ACADL: variants seen among roughly 807,000 people sequenced by gnomAD.
ACADL encodes long-chain specific acyl-CoA dehydrogenase, mitochondrial.
A neutral mutation model predicts 56.9 loss-of-function variants in ACADL; 60 were observed. That is an observed-to-expected ratio of 1.05 (90% CI 0.86 to 1.31). The LOEUF (loss-of-function observed/expected upper bound fraction) is 1.31, where lower values mean the gene tolerates loss of function less well. Among genes scored for constraint, ACADL ranks in the 50% most tolerant of loss-of-function variants. ACADL has a pLI of 0.00. For missense variants in ACADL, 484 were observed against 525.5 expected (o/e 0.92, Z 0.77); for synonymous variants, 158 against 179.7 (o/e 0.88, Z 0.97).
At chr2:210,210,312 T>G in intron 4 of ACADL, 50 bp from the exon 5 acceptor site, 1 of 1,349,946 alleles carries the variant, frequency 7.4e-7, no homozygotes, top group Non-Finnish European at 1.1e-6. Context: ...AAAAATTAAA[T>G]TATACAAATG....
At chr2:210,195,062 T>C (rs1283515118) in intron 9 of ACADL, 149 bp downstream of exon 9, 9 of 1,089,280 alleles carry the variant, frequency 8.3e-6, no homozygotes, top group Non-Finnish European at 1.2e-5. Context: ...AATGGAACTT[T>C]TTAGCATTTT....
chr2:210,212,980 G>C (rs1689010801), intron 4 of ACADL, among the ~76,000 whole-genome samples: 1 of 152,162 alleles, frequency 6.6e-6, no homozygotes, highest in African/African-American at 2.4e-5. Flanking sequence ...GTGGCTTACT[G>C]TCTGAACTGT....
intron 5 of ACADL, among the ~76,000 whole-genome samples, chr2:210,207,141 A>T (rs1174193331): frequency 6.6e-6 from 1 of 152,154 alleles, no homozygotes; most frequent in Non-Finnish European, 1.5e-5. Context: ...TATTGTAATT[A>T]CCTTATTTCC....
At chr2:210,201,537 C>T (rs1009655426) in intron 8 of ACADL, among the ~76,000 whole-genome samples, 9 of 152,216 alleles carry the variant, frequency 5.9e-5, no homozygotes, top group Middle Eastern at 3.4e-3. Flanking sequence ...GACTAGACTA[C>T]GGAGATTCAA....
chr2:210,224,297 A>T, intron 1 of ACADL: 1 of 524,820 alleles, frequency 1.9e-6, no homozygotes, highest in Non-Finnish European at 2.4e-6. Flanking sequence ...TTAAGTATGT[A>T]TCCTAAAGAA....
At chr2:210,224,926 C>T (rs1381529661) in intron 1 of ACADL, 2 of 1,321,212 alleles carry the variant, frequency 1.5e-6, no homozygotes, top group African/African-American at 1.6e-5. Flanking sequence ...CTGGAGAAAT[C>T]TTTCGGCTTT....
Position 210,225,173 on chromosome 2 carries a change from C to G in ACADL, c.77+14G>C, listed in dbSNP as rs775883948. 1.8e-5 allele frequency: 28 copies of G among 1,529,224 alleles called. 1 individual carries two copies. In the South Asian group the frequency reaches 2.6e-4, roughly 14 times the overall value. 94.7% of individuals were successfully genotyped at this position (1,529,224 alleles called of 1,614,324 possible). ...TCCCGGCCTGCAGCCGCGGAAGTCC[C>G]GGCTGGCACTCACCGCGCGGCGGGC... is the stretch of plus-strand genomic sequence containing the variant. On this transcript the variant is annotated intron_variant, in intron 1 of 10. Coordinates refer to ENST00000233710, the MANE Select transcript of ACADL (RefSeq NM_001608.4).
intron 2 of ACADL, among the ~76,000 whole-genome samples, chr2:210,219,206 G>T (rs1046630755): frequency 6.6e-6 from 1 of 152,102 alleles, no homozygotes; most frequent in African/African-American, 2.4e-5. Context: ...TTATTTCAAA[G>T]CCTTCTTAAC....
intron 1 of ACADL, among the ~76,000 whole-genome samples, chr2:210,221,269 AC>A (rs1023039803): frequency 6.5e-4 from 99 of 152,334 alleles, no homozygotes; most frequent in African/African-American, 2.1e-3. Flanking sequence ...TAAGATGCAA[AC>A]CATGTTGATG....
chr2:210,202,464 G>T (rs1252465450), intron 8 of ACADL, among the ~76,000 whole-genome samples: 9 of 152,070 alleles, frequency 5.9e-5, no homozygotes, highest in Non-Finnish European at 1.3e-4. Context: ...TGATGTATCT[G>T]TCTGAACTCA....
chr2:210,193,746 A>G (rs558863175), intron 9 of ACADL, among the ~76,000 whole-genome samples: 1 of 152,136 alleles, frequency 6.6e-6, no homozygotes, highest in Non-Finnish European at 1.5e-5. Flanking sequence ...ATCATAGCTC[A>G]TTACAGTCTT....
At chr2:210,202,792 T>C (rs1688816265) in intron 8 of ACADL, among the ~76,000 whole-genome samples, 1 of 152,108 alleles carries the variant, frequency 6.6e-6, no homozygotes, top group Admixed American at 6.6e-5. Context: ...CAACTACCAT[T>C]CACAGCCAAA....
chr2:210,191,880 A>G (rs2125708226), intron 10 of ACADL, among the ~76,000 whole-genome samples: 1 of 152,276 alleles, frequency 6.6e-6, no homozygotes, highest in Non-Finnish European at 1.5e-5. Context: ...AAAAAAAGCT[A>G]TGGGGAGACT....
intron 5 of ACADL, among the ~76,000 whole-genome samples, chr2:210,208,469 T>C (rs553202101): frequency 6.6e-6 from 1 of 152,286 alleles, no homozygotes; most frequent in South Asian, 2.1e-4. Context: ...TCTCAGTTTG[T>C]TTCCTAATTA....
chr2:210,217,933 CA>C, intron 3 of ACADL, 31 bp downstream of exon 3: 1 of 1,613,230 alleles, frequency 6.2e-7, no homozygotes, highest in East Asian at 2.2e-5. Context: ...GTTTACAAAA[CA>C]AGACTCAACC....
At chr2:210,202,767 T>G (rs1214517902) in intron 8 of ACADL, among the ~76,000 whole-genome samples, 1 of 152,128 alleles carries the variant, frequency 6.6e-6, no homozygotes. Flanking sequence ...CCTCTTCGCT[T>G]ACCACCCTTT....
At chr2:210,204,719 A>C (rs772398830) in intron 6 of ACADL, 37 bp from the exon 7 acceptor site, 23 of 1,421,318 alleles carry the variant, frequency 1.6e-5, no homozygotes, top group Non-Finnish European at 2.1e-5. Flanking sequence ...GAATGGTCTC[A>C]TTTAAATCTT....
rs546662178 is a variant in ACADL, at chr2:210,213,315, C to T, written c.536+3032G>A. The stretch of plus-strand genomic sequence containing the variant: ...AGGAGTCCAAGACCAGCCTGGCCAA[C>T]CTGCTGAATCCCTGTCTCTACTACA... On this transcript the variant is annotated intron_variant, in intron 4 of 10. Coordinates refer to ENST00000233710, the MANE Select transcript of ACADL (RefSeq NM_001608.4). Among the ~76,000 whole-genome samples, 10 of 152,138 alleles carry T rather than the reference C, an allele frequency of 6.6e-5. No individual in the cohort carries two copies. In the South Asian group the frequency reaches 2.1e-3, roughly 32 times the overall value.
chr2:210,217,919 G>A, intron 3 of ACADL, 46 bp downstream of exon 3: 2 of 1,604,172 alleles, frequency 1.2e-6, no homozygotes, highest in Non-Finnish European at 1.7e-6. Flanking sequence ...AAGGTGAGTG[G>A]TGTGTTTACA....
Sources: gnomAD v4.1 joint callset for allele counts (sites outside exome capture counted in the v4.1 genomes callset) on GRCh38, gnomAD v4.1.1 for gene constraint, MANE v1.5 for transcripts, NCBI Gene and HGNC (gene_info 2026-07-23, HGNC 2026-07-21) for gene names.